The following SGTB variants were observed in gnomAD, a reference collection of about 807,000 sequenced individuals.
SGTB encodes the protein small glutamine rich tetratricopeptide repeat co-chaperone beta.
A neutral mutation model predicts 43.9 loss-of-function variants in SGTB; 19 were observed. The observed-to-expected ratio is 0.43, with a 90% CI of 0.30 to 0.63. SGTB has a LOEUF of 0.63. SGTB is among the 30% of genes least tolerant of loss of function. The pLI is 0.12. For synonymous variants in SGTB, 116 were observed against 117.3 expected (o/e 0.99, Z 0.07); for missense variants, 304 against 358.9 (o/e 0.85, Z 1.24).
At chr5:65,720,187 C>T (rs1398848391) in intron 2 of SGTB, among the ~76,000 whole-genome samples, 1 of 151,216 alleles carries the variant, frequency 6.6e-6, no homozygotes, top group Non-Finnish European at 1.5e-5. Flanking sequence ...GTTTAAGCCA[C>T]CCTCCTATCT....
At position 65,666,072 on chromosome 5, in the gene SGTB, GAAGT is replaced by G. The variant is rs1757029405; in HGVS notation, c.*4170_*4173del. The G allele has an allele frequency of 6.6e-6, 1 of 152,538 alleles. No homozygotes were observed. Among genetic ancestry groups the G allele is most frequent in the African/African-American group, 2.4e-5 (1 of 41,442 alleles). 9.4% of individuals were successfully genotyped at this position (152,538 alleles called of 1,614,324 possible). On this transcript the variant is annotated 3_prime_UTR_variant, in exon 11 of 11. Transcript: ENST00000381007. ...AATAAAGTGCAAGCAGTGTAAAATT[GAAGT>G]CTGTCTTTGTTTCAAAATGATTAAG...
At chr5:65,695,990 T>C (rs1044545546) in intron 5 of SGTB, among the ~76,000 whole-genome samples, 3 of 152,224 alleles carry the variant, frequency 2.0e-5, no homozygotes, top group Non-Finnish European at 2.9e-5. Context: ...CCCAGTGGAC[T>C]GACTGACCAC....
rs1429945150 is a variant in SGTB at position 65,688,229 on chromosome 5, G to C, written c.375-2757C>G. ...GAGCCACTGGAAGAAAAAAAATCTT[G>C]TCCAGAAACGGAGCATGAGATATAT... On this transcript the variant is annotated intron_variant, in intron 5 of 10. Transcript: ENST00000381007. Among the ~76,000 whole-genome samples the C allele has an allele frequency of 7.2e-5, 11 of 152,166 alleles. No individual in the cohort carries two copies. In the East Asian group the frequency reaches 2.1e-3, roughly 29 times the overall value.
At chr5:65,698,678 C>T (rs1757755862) in intron 5 of SGTB, among the ~76,000 whole-genome samples, 1 of 152,060 alleles carries the variant, frequency 6.6e-6, no homozygotes, top group Non-Finnish European at 1.5e-5. Context: ...GAAACTCAAA[C>T]AAATCGGCAA....
intron 8 of SGTB, among the ~76,000 whole-genome samples, chr5:65,679,285 C>A (rs59520735): frequency 0.023 from 3,477 of 152,244 alleles, 129 homozygotes; most frequent in African/African-American, 0.078. Flanking sequence ...ATCAAAACCA[C>A]AATGAGATAC....
At chr5:65,697,591 C>T (rs1757736844) in intron 5 of SGTB, among the ~76,000 whole-genome samples, 1 of 152,092 alleles carries the variant, frequency 6.6e-6, no homozygotes, top group Admixed American at 6.5e-5. Context: ...TAAAACTTAA[C>T]CATCAAACCA....
upstream of SGTB, chr5:65,722,564 GGGGGACACCTGGCGCGGCCACCT>G: frequency 1.4e-6 from 1 of 693,964 alleles, no homozygotes; most frequent in Non-Finnish European, 2.3e-6. Flanking sequence ...GTGGACCCCT[GGGGGACACCTGGCGCGGCCACCT>G]GGGGCCACCT....
In SGTB at chr5:65,708,715, G is replaced by T. The variant is rs930057991; in HGVS notation, c.205-157C>A. Among the ~76,000 whole-genome samples the T allele has an allele frequency of 3.3e-5, 5 of 152,116 alleles. No homozygotes were observed. The East Asian group carries it at 5.8e-4, about 18-fold the overall frequency. ...AATAATAGTATTAACAAAAATAGGGGAAAAGTCCTCTCATATATTTTTTAT... is the reference window on the plus strand; with the variant it reads ...AATAATAGTATTAACAAAAATAGGGTAAAAGTCCTCTCATATATTTTTTAT... On this transcript the variant is annotated intron_variant, in intron 3 of 10. Transcript: ENST00000381007.
intron 2 of SGTB, among the ~76,000 whole-genome samples, chr5:65,718,138 A>C (rs1235679865): frequency 6.6e-6 from 1 of 152,120 alleles, no homozygotes; most frequent in Non-Finnish European, 1.5e-5. Context: ...GAAGGAATGC[A>C]ATTCTGGTAA....
At chr5:65,684,858 G>A (rs1757469348) in intron 6 of SGTB, among the ~76,000 whole-genome samples, 1 of 152,118 alleles carries the variant, frequency 6.6e-6, no homozygotes, top group South Asian at 2.1e-4. Context: ...CAGCCAGAAT[G>A]CTTCCATTTT....
intron 9 of SGTB, 94 bp from the exon 10 acceptor site, chr5:65,672,092 A>G: frequency 1.3e-6 from 2 of 1,572,200 alleles, no homozygotes; most frequent in Non-Finnish European, 1.7e-6. Context: ...TACCCATGTT[A>G]TACCAGAGGC....
At position 65,666,027 on chromosome 5, in the gene SGTB, T is replaced by G. The variant is rs1473959967; in HGVS notation, c.*4219A>C. On this transcript the variant is annotated 3_prime_UTR_variant, in exon 11 of 11. Transcript: ENST00000381007. ...TTTGCACCTCAAAATTGAGTAATAA[T>G]TAATGAAATGTCTGTACAAAATAAA... is the stretch of plus-strand genomic sequence containing the variant. 1 of 152,570 alleles carries G rather than the reference T, an allele frequency of 6.6e-6. No homozygotes were observed. The highest frequency in any genetic ancestry group is 2.4e-5 in the African/African-American group (1 of 41,438). 9.5% of individuals were successfully genotyped at this position (152,570 alleles called of 1,614,324 possible).
At chr5:65,714,291 T>C (rs756620497) in intron 2 of SGTB, among the ~76,000 whole-genome samples, 17 of 152,100 alleles carry the variant, frequency 1.1e-4, no homozygotes, top group Non-Finnish European at 2.2e-4. Context: ...TGTAAGGCAC[T>C]GGTCTAAGGT....
At position 65,680,347 on chromosome 5, in the gene SGTB, TAA is replaced by T. The variant is rs1291903849; in HGVS notation, c.681+145_681+146del. On this transcript the variant is annotated intron_variant, in intron 8 of 10. Coordinates refer to ENST00000381007, the MANE Select transcript of SGTB (RefSeq NM_019072.3). ...CTGCACTTGAAATAAAAGTTGGAAA[TAA>T]AAAAACAGAACCCTGCTATAGCCTT... The T allele has an allele frequency of 3.9e-6, 3 of 773,906 alleles. No homozygotes were observed. The African/African-American group carries it at 5.3e-5, about 14-fold the overall frequency. The allele number at this position is 773,906 out of a possible 1,614,324, so 47.9% of individuals were successfully genotyped here.
Position 65,700,554 on chromosome 5 carries a change from G to A in SGTB, c.374+3725C>T, listed in dbSNP as rs1023829030. ...AAATTAGCCACGCGTGGTGGTGGGC[G>A]CCTGTAGTCCCAGCCACTTGGGAGG... On this transcript the variant is annotated intron_variant, in intron 5 of 10. Transcript: ENST00000381007. Among the ~76,000 whole-genome samples, 31 of 151,616 alleles carry A rather than the reference G, an allele frequency of 2.0e-4. No homozygotes were observed. The East Asian group carries it at 2.5e-3, about 12-fold the overall frequency.
rs1157915438 is a variant in SGTB at position 65,669,140 on chromosome 5, ATATT to A, written c.*1102_*1105del. ...AATAAAATATTTTAAGTCTCCTGTT[ATATT>A]TAAATTGCATCAAATTTAAATTATG... On this transcript the variant is annotated 3_prime_UTR_variant, in exon 11 of 11. Transcript: ENST00000381007. 3 of 152,228 alleles carry A rather than the reference ATATT, an allele frequency of 2.0e-5. No homozygotes were observed. The highest frequency in any genetic ancestry group is 2.0e-4 in the Admixed American group (3 of 15,278). The allele number at this position is 152,228 out of a possible 1,614,324, so 9.4% of individuals were successfully genotyped here. A position where few individuals can be genotyped will look rare whatever the true frequency, so the allele number is the denominator to read the frequency against.
chr5:65,686,420 G>A (rs1292248964), intron 5 of SGTB, among the ~76,000 whole-genome samples: 3 of 152,010 alleles, frequency 2.0e-5, no homozygotes, highest in South Asian at 2.1e-4. Context: ...AGAGTCTCAC[G>A]CCAACCCAAG....
intron 2 of SGTB, among the ~76,000 whole-genome samples, chr5:65,714,082 C>T (rs1215481647): frequency 6.6e-6 from 1 of 152,050 alleles, no homozygotes; most frequent in Non-Finnish European, 1.5e-5. Flanking sequence ...AAAAAAAGTA[C>T]TCTCACTACA....
intron 3 of SGTB, among the ~76,000 whole-genome samples, chr5:65,711,082 T>C (rs1758036730): frequency 6.6e-6 from 1 of 151,688 alleles, no homozygotes; most frequent in African/African-American, 2.4e-5. Flanking sequence ...GAAGAATCGC[T>C]TGAACCCAGG....
Sources: gnomAD v4.1 joint callset for allele counts (sites outside exome capture counted in the v4.1 genomes callset) on GRCh38, gnomAD v4.1.1 for gene constraint, MANE v1.5 for transcripts, NCBI Gene and HGNC (gene_info 2026-07-23, HGNC 2026-07-21) for gene names.